Variants in TNKS2 observed in about 807,000 individuals in gnomAD.
TNKS2 encodes tankyrase 2.
TNKS2 carries 72 observed loss-of-function variants against 137.6 expected under a neutral mutation model. The observed-to-expected ratio is 0.52, with a 90% CI of 0.43 to 0.64. The LOEUF is 0.64. Among genes scored for constraint, TNKS2 ranks in the 30% least tolerant of loss-of-function variants. The pLI is 0.00. For synonymous variants in TNKS2, 516 were observed against 512.1 expected (o/e 1.01, Z -0.10); for missense variants, 1,049 against 1,410.2 (o/e 0.74, Z 4.10).
intron 1 of TNKS2, among the ~76,000 whole-genome samples, chr10:91,800,862 A>C (rs1215214932): frequency 6.6e-6 from 1 of 152,224 alleles, no homozygotes; most frequent in Non-Finnish European, 1.5e-5. Flanking sequence ...CTTTTCACTT[A>C]ATATATGGAG....
chr10:91,826,674 T>C (rs571012743), intron 7 of TNKS2, among the ~76,000 whole-genome samples: 3 of 152,202 alleles, frequency 2.0e-5, no homozygotes, highest in South Asian at 4.1e-4. Flanking sequence ...ATCACAGATA[T>C]ATACATTTGT....
At chr10:91,861,118 AC>A (rs751937071) in intron 25 of TNKS2, among the ~76,000 whole-genome samples, 1 of 152,152 alleles carries the variant, frequency 6.6e-6, no homozygotes, top group Non-Finnish European at 1.5e-5. Context: ...ATCTACTGAA[AC>A]TGGTGGTGAG....
intron 24 of TNKS2, among the ~76,000 whole-genome samples, chr10:91,858,585 AGAG>A (rs1312786318): frequency 6.6e-6 from 1 of 152,228 alleles, no homozygotes; most frequent in African/African-American, 2.4e-5. Context: ...TCCCAAGGAA[AGAG>A]GAGAGAGAAG....
At chr10:91,802,297 G>T (rs1844196521) in intron 1 of TNKS2, among the ~76,000 whole-genome samples, 1 of 152,202 alleles carries the variant, frequency 6.6e-6, no homozygotes, top group South Asian at 2.1e-4. Context: ...ACGAAAATTA[G>T]TGCTGCTTAT....
intron 11 of TNKS2, among the ~76,000 whole-genome samples, chr10:91,832,395 G>T (rs147066389): frequency 1.3e-5 from 2 of 152,000 alleles, no homozygotes; most frequent in African/African-American, 4.8e-5. Flanking sequence ...AGGACTTTCA[G>T]TGCTAAAACC....
At chr10:91,832,200 G>C (rs977226385) in intron 11 of TNKS2, among the ~76,000 whole-genome samples, 8 of 152,052 alleles carry the variant, frequency 5.3e-5, no homozygotes, top group African/African-American at 1.7e-4. Context: ...CTGCTTGACT[G>C]CTTGGCATAT....
chr10:91,807,066 A>C, intron 1 of TNKS2: 1 of 1,325,992 alleles, frequency 7.5e-7, no homozygotes, highest in African/African-American at 1.5e-5. Flanking sequence ...AATGACCTCT[A>C]AGCTTCTGAA....
In TNKS2 at chr10:91,848,729, A is replaced by C. The variant is rs531216694; in HGVS notation, c.2611+94A>C. 146 of 1,406,472 alleles carry C rather than the reference A, an allele frequency of 1.0e-4. 1 individual carries two copies. The Admixed American group carries it at 2.0e-3, about 19-fold the overall frequency. The allele number at this position is 1,406,472 out of a possible 1,614,324, so 87.1% of individuals were successfully genotyped here. A position where few individuals can be genotyped will look rare whatever the true frequency, so the allele number is the denominator to read the frequency against. On this transcript the variant is annotated intron_variant, in intron 19 of 26. Coordinates refer to ENST00000371627, the MANE Select transcript of TNKS2 (RefSeq NM_025235.4). The stretch of plus-strand genomic sequence containing the variant: ...AAAAGTCATTTTTAACCTTAAATAC[A>C]AGGTATTAGTATAAAATTAGTTAAC...
At chr10:91,822,503 A>G in intron 7 of TNKS2, 141 bp downstream of exon 7, 1 of 628,220 alleles carries the variant, frequency 1.6e-6, no homozygotes, top group East Asian at 2.8e-5. Flanking sequence ...ATTATAAAAT[A>G]TAGGTGACTG....
chr10:91,835,818 G>A (rs1227997260), intron 12 of TNKS2, among the ~76,000 whole-genome samples: 1 of 147,858 alleles, frequency 6.8e-6, no homozygotes, highest in African/African-American at 2.5e-5. Flanking sequence ...ATGTTGCCGA[G>A]TCTGGTCTCC....
At chr10:91,841,174 C>A in intron 14 of TNKS2, 109 bp from the exon 15 acceptor site, 2 of 968,230 alleles carry the variant, frequency 2.1e-6, no homozygotes, top group Non-Finnish European at 2.9e-6. Flanking sequence ...AAAGTATAAT[C>A]AGTATAATTC....
rs374011728 is a variant in TNKS2, at chr10:91,825,419, G to C, written c.796-1598G>C. ...CCTCTGGCCTCAATTATTTTTTAATGAATTTTTTAAACTAAAGTATATTTA... is the reference window on the plus strand; with the variant it reads ...CCTCTGGCCTCAATTATTTTTTAATCAATTTTTTAAACTAAAGTATATTTA... On this transcript the variant is annotated intron_variant, in intron 7 of 26. Transcript: ENST00000371627. Among the ~76,000 whole-genome samples the C allele has an allele frequency of 9.2e-5, 14 of 152,182 alleles. No individual in the cohort carries two copies. The South Asian group carries it at 1.0e-3, about 11-fold the overall frequency.
chr10:91,841,921 T>G (rs891364355), intron 15 of TNKS2, among the ~76,000 whole-genome samples: 2 of 151,272 alleles, frequency 1.3e-5, no homozygotes, highest in African/African-American at 4.9e-5. Flanking sequence ...GAAATATGAC[T>G]TTATTTTGAA....
chr10:91,825,301 C>G (rs1845032961), intron 7 of TNKS2, among the ~76,000 whole-genome samples: 1 of 151,990 alleles, frequency 6.6e-6, no homozygotes, highest in Admixed American at 6.6e-5. Flanking sequence ...TAGGGTTTCA[C>G]CATGTTGCCC....
intron 6 of TNKS2, among the ~76,000 whole-genome samples, chr10:91,820,979 G>T (rs1375215216): frequency 6.6e-6 from 1 of 152,162 alleles, no homozygotes; most frequent in Non-Finnish European, 1.5e-5. Flanking sequence ...TGTTTGGAGG[G>T]AAAATGTTGA....
rs559466419 is a variant in TNKS2, at chr10:91,837,817, CAG to C, written c.1527+821_1527+822del. On this transcript the variant is annotated intron_variant, in intron 13 of 26. Coordinates refer to ENST00000371627, the MANE Select transcript of TNKS2 (RefSeq NM_025235.4). ...ATTTGTTTTCTAAATTCATTTCTCA[CAG>C]AAAAATGCAACTATCATGCAGTTTT... Among the ~76,000 whole-genome samples, 63 of 152,294 alleles carry C rather than the reference CAG, an allele frequency of 4.1e-4. 2 individuals carry two copies. The South Asian group carries it at 0.013, about 31-fold the overall frequency.
At chr10:91,829,099 G>A (rs959765227) in intron 9 of TNKS2, among the ~76,000 whole-genome samples, 2 of 152,252 alleles carry the variant, frequency 1.3e-5, no homozygotes, top group East Asian at 1.9e-4. Flanking sequence ...TGTGCTTCAG[G>A]TGAGAGAAGA....
chr10:91,862,983 G>A lies in TNKS2; in HGVS notation c.3485G>A (p.Gly1162Asp), dbSNP rs1842891300. The A allele has an allele frequency of 1.2e-6, 2 of 1,605,068 alleles. No homozygotes were observed. Among genetic ancestry groups the A allele is most frequent in the African/African-American group, 2.7e-5 (2 of 74,666 alleles). ...LITYQIMRPE[G>D]MVDG ...ACTTACCAGATTATGAGGCCTGAAG[G>A]TATGGTCGATGGATAAATAGTTATT... Residue 1162 changes from glycine (G) to aspartate (D), a missense_variant, in exon 27 of 27, where the codon GGT (glycine) becomes GAT (aspartate). Gly to Asp is a moderately conservative substitution (Grantham distance 94). This residue lies in a region of TNKS2 where 133 missense variants were observed against 248.4 expected (regional missense o/e 0.54). Transcript: ENST00000371627.
intron 24 of TNKS2, among the ~76,000 whole-genome samples, chr10:91,858,213 C>G (rs147809612): frequency 1.3e-5 from 2 of 152,056 alleles, no homozygotes; most frequent in East Asian, 3.9e-4. Flanking sequence ...CTGTAAAGTT[C>G]TCTAAAACAC....
Sources: allele counts gnomAD v4.1 joint callset (sites outside exome capture counted in the v4.1 genomes callset), GRCh38; gene constraint gnomAD v4.1.1; regional missense constraint gnomAD v4.1.1; transcripts MANE v1.5; gene names NCBI Gene and HGNC (gene_info 2026-07-23, HGNC 2026-07-21).